Variants in MT1M observed in about 807,000 individuals in gnomAD.
The protein encoded by MT1M is metallothionein-1M.
A neutral mutation model predicts 8.5 loss-of-function variants in MT1M; 11 were observed. The observed-to-expected ratio is 1.29, with a 90% CI of 0.81 to 2.14. MT1M has a LOEUF of 2.14. Among genes scored for constraint, MT1M ranks in the 30% most tolerant of loss-of-function variants. The pLI is 0.00. For missense variants in MT1M, 84 were observed against 76.6 expected, an observed-to-expected ratio of 1.10 and a Z score of -0.36; for synonymous variants, 28 against 30.0, an observed-to-expected ratio of 0.93 and a Z score of 0.22.
chr16:56,632,802 G>A, intron 1 of MT1M, 43 bp downstream of exon 1: 1 of 1,613,100 alleles, frequency 6.2e-7, no homozygotes, highest in Non-Finnish European at 8.5e-7. Flanking sequence ...CCATTTCCCA[G>A]CCCCAGTACT....
In MT1M at chr16:56,633,892, T is replaced by C. The variant is rs752096484; in HGVS notation, c.*50T>C. ...TGTTAATAGAACAAGCTGCACAACC[T>C]GGATTTTTTTTCAATACGATACTGA... On this transcript the variant is annotated 3_prime_UTR_variant, in exon 3 of 3. Coordinates refer to ENST00000379818, the MANE Select transcript of MT1M (RefSeq NM_176870.3). The C allele has an allele frequency of 6.3e-7, 1 of 1,596,900 alleles. No individual in the cohort carries two copies. The highest frequency in any genetic ancestry group is 1.7e-5 in the Admixed American group (1 of 58,734).
chr16:56,633,846 G>A lies in MT1M; in HGVS notation c.*4G>A. On this transcript the variant is annotated 3_prime_UTR_variant, in exon 3 of 3. Transcript: ENST00000379818. ...GAACTGCAGCTGCTGTGCCTGATGT[G>A]GGAACAGCTCTTCTCCCAGATGTTA... 6.2e-7 allele frequency: 1 copy of A among 1,614,032 alleles called. No individual in the cohort carries two copies. Among genetic ancestry groups the A allele is most frequent in the Non-Finnish European group, 8.5e-7 (1 of 1,179,926 alleles).
intron 1 of MT1M, 81 bp from the exon 2 acceptor site, chr16:56,633,259 G>C: frequency 6.3e-7 from 1 of 1,590,282 alleles, no homozygotes; most frequent in Non-Finnish European, 8.6e-7. Context: ...CACAAAGGAG[G>C]GGGCACTGGA....
chr16:56,633,564 G>T, intron 2 of MT1M, 159 bp downstream of exon 2: 1 of 1,592,464 alleles, frequency 6.3e-7, no homozygotes, highest in South Asian at 1.1e-5. Flanking sequence ...ATTCAGATGG[G>T]GCAGGACAGC....
intron 1 of MT1M, 21 bp downstream of exon 1, chr16:56,632,780 GC>G: frequency 2.5e-6 from 4 of 1,613,840 alleles, no homozygotes; most frequent in Non-Finnish European, 3.4e-6. Context: ...CCGACCCTGC[GC>G]CCTAGGAATC....
chr16:56,633,521 C>T (rs753499783), intron 2 of MT1M, 116 bp downstream of exon 2: 453 of 1,603,222 alleles, frequency 2.8e-4, no homozygotes, highest in Non-Finnish European at 2.3e-4. Context: ...CCTCATTGCC[C>T]GTGTCATTCC....
chr16:56,633,703 G>A (rs780041053), intron 2 of MT1M, 48 bp from the exon 3 acceptor site: 41 of 1,610,064 alleles, frequency 2.5e-5, no homozygotes, highest in Non-Finnish European at 2.9e-5. Flanking sequence ...GGGGCAGGGC[G>A]GTGCCCGGTC....
At chr16:56,633,625 C>T in intron 2 of MT1M, 126 bp from the exon 3 acceptor site, 1 of 1,600,086 alleles carries the variant, frequency 6.2e-7, no homozygotes, top group South Asian at 1.1e-5. Context: ...GGTTTCAGAA[C>T]AGAGCTGTGC....
chr16:56,632,781 C>T (rs755580005), intron 1 of MT1M, 22 bp downstream of exon 1: 2 of 1,613,816 alleles, frequency 1.2e-6, no homozygotes, highest in Admixed American at 3.3e-5. Flanking sequence ...CGACCCTGCG[C>T]CCTAGGAATC....
chr16:56,633,526 C>CA, intron 2 of MT1M, 121 bp downstream of exon 2: 1 of 1,601,202 alleles, frequency 6.2e-7, no homozygotes, highest in Non-Finnish European at 8.5e-7. Flanking sequence ...TTGCCCGTGT[C>CA]ATTCCCTCTC....
intron 2 of MT1M, 49 bp downstream of exon 2, chr16:56,633,454 G>C (rs1960316925): frequency 2.5e-6 from 4 of 1,614,112 alleles, no homozygotes; most frequent in Non-Finnish European, 3.4e-6. Flanking sequence ...CTGAGATTGG[G>C]AGGGAACCCA....
In MT1M at chr16:56,633,413, C is replaced by A. The variant is rs199746536; in HGVS notation, c.94+8C>A. 2 of 1,614,124 alleles carry A rather than the reference C, an allele frequency of 1.2e-6. No homozygotes were observed. The highest frequency in any genetic ancestry group is 1.3e-5 in the African/African-American group (1 of 74,950). On this transcript the variant is annotated splice_region_variant and intron_variant, in intron 2 of 2. Coordinates refer to ENST00000379818, the MANE Select transcript of MT1M (RefSeq NM_176870.3). The stretch of plus-strand genomic sequence containing the variant: ...GCACCTCCTGCAAGAAGAGTGAGTG[C>A]GGGGCCATCTCCAGGAATCTGGGGC...
intron 1 of MT1M, 132 bp downstream of exon 1, chr16:56,632,891 C>A (rs1960307467): frequency 3.4e-6 from 4 of 1,184,518 alleles, no homozygotes; most frequent in South Asian, 2.6e-5. Context: ...GTGCTTTCTT[C>A]CTGATCTCCC....
In MT1M at chr16:56,633,923, T is replaced by C. The variant is rs1960326814; in HGVS notation, c.*81T>C. ...TTTTTTCAATACGATACTGAGCCAT[T>C]TGCTGCATTTCTTTTTATATTAAAT... is the stretch of plus-strand genomic sequence containing the variant. On this transcript the variant is annotated 3_prime_UTR_variant, in exon 3 of 3. Transcript: ENST00000379818. 2 of 1,419,204 alleles carry C rather than the reference T, an allele frequency of 1.4e-6. No homozygotes were observed. Among genetic ancestry groups the C allele is most frequent in the Admixed American group, 3.9e-5 (2 of 50,976 alleles). 87.9% of individuals were successfully genotyped at this position (1,419,204 alleles called of 1,614,324 possible).
chr16:56,632,808 G>T (rs1306182592), intron 1 of MT1M, 49 bp downstream of exon 1: 1 of 1,611,248 alleles, frequency 6.2e-7, no homozygotes, highest in African/African-American at 1.3e-5. Flanking sequence ...CCCAGCCCCA[G>T]TACTGAGGGT....
At chr16:56,633,033 C>A (rs1228755116) in intron 1 of MT1M, among the ~76,000 whole-genome samples, 2 of 152,214 alleles carry the variant, frequency 1.3e-5, no homozygotes, top group Non-Finnish European at 2.9e-5. Flanking sequence ...CTCCTCCAGG[C>A]TCTGAGCAAT....
intron 1 of MT1M, among the ~76,000 whole-genome samples, chr16:56,633,012 G>GC (rs1960309383): frequency 6.6e-6 from 1 of 152,218 alleles, no homozygotes; most frequent in Non-Finnish European, 1.5e-5. Flanking sequence ...TGCTGGCTGG[G>GC]CCCCAGTGTT....
chr16:56,633,691 T>C (rs1358243389), intron 2 of MT1M, 60 bp from the exon 3 acceptor site: 16 of 1,607,958 alleles, frequency 1.0e-5, no homozygotes, highest in Admixed American at 1.7e-5. Context: ...AGGCTTGCTA[T>C]TGGGGCAGGG....
In MT1M at chr16:56,632,688, G is replaced by T. The variant is rs368840559; in HGVS notation, c.-44G>T. 5.6e-6 allele frequency: 9 copies of T among 1,612,090 alleles called. No individual in the cohort carries two copies. Among genetic ancestry groups the T allele is most frequent in the Non-Finnish European group, 6.8e-6 (8 of 1,179,628 alleles). On this transcript the variant is annotated 5_prime_UTR_variant, in exon 1 of 3. Transcript: ENST00000379818. ...CGCCGTCCGGGTGGGCCTAGCAGTC[G>T]CTCCATTTATCGCTTGAGATCTCCA...
Sources: gnomAD v4.1 joint callset for allele counts (sites outside exome capture counted in the v4.1 genomes callset) on GRCh38, gnomAD v4.1.1 for gene constraint, MANE v1.5 for transcripts, NCBI Gene and HGNC (gene_info 2026-07-23, HGNC 2026-07-21) for gene names.